The following LNX1 variants were observed in gnomAD, a reference collection of about 807,000 sequenced individuals.
The protein encoded by LNX1 is ligand of numb-protein X 1, also known as E3 ubiquitin-protein ligase LNX.
LNX1 carries 54 observed loss-of-function variants against 68.4 expected under a neutral mutation model. The ratio of observed to expected loss-of-function variants is 0.79; its 90% CI spans 0.63 to 0.99. The LOEUF is 0.99. Ranked by LOEUF, LNX1 falls within the 50% of genes least tolerant of loss-of-function variation. The pLI is 0.00. For synonymous variants in LNX1, 336 were observed against 350.0 expected (o/e 0.96, Z 0.45); for missense variants, 906 against 926.4 (o/e 0.98, Z 0.29).
intron 2 of LNX1, among the ~76,000 whole-genome samples, chr4:53,567,352 C>A (rs1242878969): frequency 1.4e-5 from 2 of 146,098 alleles, no homozygotes; most frequent in Non-Finnish European, 3.0e-5. Flanking sequence ...CACTCAAAAC[C>A]ACTCAACTAC....
intron 4 of LNX1, among the ~76,000 whole-genome samples, chr4:53,502,493 C>A (rs546650328): frequency 6.6e-6 from 1 of 152,334 alleles, no homozygotes; most frequent in East Asian, 1.9e-4. Flanking sequence ...TCATCTGAGG[C>A]TTCAGCTTGT....
chr4:53,472,350 TGG>T (rs1477347858), intron 9 of LNX1, among the ~76,000 whole-genome samples: 3 of 150,720 alleles, frequency 2.0e-5, no homozygotes, highest in African/African-American at 7.3e-5. Context: ...GGTTGGGGGA[TGG>T]GGGAGGGATA....
chr4:53,477,492 A>C (rs538211917), intron 8 of LNX1, among the ~76,000 whole-genome samples: 12 of 152,288 alleles, frequency 7.9e-5, no homozygotes, highest in Admixed American at 2.0e-4. Context: ...AAACATTTTC[A>C]TTGCTAAGGT....
intron 2 of LNX1, among the ~76,000 whole-genome samples, chr4:53,541,281 C>T (rs1442798953): frequency 6.6e-6 from 1 of 152,040 alleles, no homozygotes; most frequent in African/African-American, 2.4e-5. Context: ...TCAACTTCAG[C>T]AAATGGCTCT....
At chr4:53,540,278 G>T (rs1560653869) in intron 2 of LNX1, among the ~76,000 whole-genome samples, 1 of 152,098 alleles carries the variant, frequency 6.6e-6, no homozygotes, top group East Asian at 1.9e-4. Context: ...AGCCACTCGG[G>T]GGGCTTAGGA....
chr4:53,564,878 A>G (rs1414720830), intron 2 of LNX1, among the ~76,000 whole-genome samples: 3 of 152,190 alleles, frequency 2.0e-5, no homozygotes, highest in Non-Finnish European at 2.9e-5. Flanking sequence ...AATCAAAGAA[A>G]GGGGTGACAG....
chr4:53,611,276 C>A (rs2590795), intron 2 of LNX1, among the ~76,000 whole-genome samples: 111,873 of 151,890 alleles, frequency 0.74, 41,480 homozygotes, highest in East Asian at 0.91. Context: ...TTAGGATAAC[C>A]AAAAAAGAAA....
At chr4:53,634,039 T>A (rs1473339144) in intron 1 of LNX1, among the ~76,000 whole-genome samples, 1 of 152,150 alleles carries the variant, frequency 6.6e-6, no homozygotes, top group Non-Finnish European at 1.5e-5. Context: ...CTGAAACCAT[T>A]GCAAATCAGC....
intron 1 of LNX1, among the ~76,000 whole-genome samples, chr4:53,647,339 T>G (rs528615480): frequency 6.6e-6 from 1 of 152,344 alleles, no homozygotes; most frequent in South Asian, 2.1e-4. Context: ...TATTTCTGCA[T>G]AGTATAATAT....
rs368946180 is a variant in LNX1 at position 53,562,058 on chromosome 4, T to C, written c.380+11565A>G. 8.1e-4 allele frequency among the ~76,000 whole-genome samples: 123 copies of C among 152,378 alleles called. 1 individual carries two copies. The South Asian group carries it at 0.024, about 30-fold the overall frequency. On this transcript the variant is annotated intron_variant, in intron 2 of 10. Coordinates refer to ENST00000263925, the MANE Select transcript of LNX1 (RefSeq NM_001126328.3). ...CCTTAGAGGCAGAAATCACAACTTA[T>C]TTTTCTTTCATTCAGGGCCTGACCT...
At chr4:53,542,024 G>A (rs1728796961) in intron 2 of LNX1, among the ~76,000 whole-genome samples, 1 of 152,140 alleles carries the variant, frequency 6.6e-6, no homozygotes, top group South Asian at 2.1e-4. Context: ...CTGAACAATG[G>A]TGCAGTAAAA....
chr4:53,544,106 G>A (rs62323644), intron 2 of LNX1, among the ~76,000 whole-genome samples: 278 of 152,226 alleles, frequency 1.8e-3, no homozygotes, highest in Non-Finnish European at 3.3e-3. Flanking sequence ...GCTGTCATTG[G>A]GCTTTTAAAT....
chr4:53,469,457 A>C (rs1292429512), intron 9 of LNX1, among the ~76,000 whole-genome samples: 3 of 152,210 alleles, frequency 2.0e-5, no homozygotes, highest in East Asian at 1.9e-4. Context: ...AAACACATTC[A>C]AAAGCTAGCA....
intron 1 of LNX1, among the ~76,000 whole-genome samples, chr4:53,584,679 G>A (rs1486765846): frequency 6.6e-6 from 1 of 152,156 alleles, no homozygotes; most frequent in African/African-American, 2.4e-5. Context: ...TCTATGTGAG[G>A]TTTTAAAATG....
intron 2 of LNX1, among the ~76,000 whole-genome samples, chr4:53,513,153 C>T (rs1579444961): frequency 6.6e-6 from 1 of 152,162 alleles, no homozygotes; most frequent in Admixed American, 6.5e-5. Flanking sequence ...CCCATCGCTT[C>T]CAGGCCTTCC....
chr4:53,490,522 A>C (rs1018668088), intron 6 of LNX1, among the ~76,000 whole-genome samples: 1 of 118,754 alleles, frequency 8.4e-6, no homozygotes, highest in Non-Finnish European at 2.0e-5. Flanking sequence ...GCTGCTGCTG[A>C]GTAAGCTGAG....
chr4:53,508,159 T>C lies in LNX1; in HGVS notation c.449A>G (p.Asp150Gly), dbSNP rs776777536. 6.2e-7 allele frequency: 1 copy of C among 1,614,162 alleles called. No individual in the cohort carries two copies. Among genetic ancestry groups the C allele is most frequent in the South Asian group, 1.1e-5 (1 of 91,080 alleles). ...RKRRSQDGCPDGCASLTATAP... is the reference protein window; with the variant it reads ...RKRRSQDGCPGGCASLTATAP... Reference sequence around the variant, plus strand: ...CGTGGCTGTGAGGCTCGCACAGCCGTCTGGACAGCCATCTTGTGAGCGCCT... The same window carrying C: ...CGTGGCTGTGAGGCTCGCACAGCCGCCTGGACAGCCATCTTGTGAGCGCCT... The change falls in exon 3 of 11, where the codon GAC becomes GGC. Residue 150 changes from aspartate (D) to glycine (G), a missense_variant. Physicochemically the swap from Asp to Gly is moderately conservative, Grantham distance 94 (BLOSUM62 -1). Coordinates refer to ENST00000263925, the MANE Select transcript of LNX1 (RefSeq NM_001126328.3).
intron 2 of LNX1, among the ~76,000 whole-genome samples, chr4:53,551,578 C>A (rs747091004): frequency 6.6e-6 from 1 of 152,148 alleles, no homozygotes; most frequent in Non-Finnish European, 1.5e-5. Context: ...ACGCTCACCC[C>A]CCAAGTGCCT....
chr4:53,635,943 G>A (rs1734455451), intron 1 of LNX1, among the ~76,000 whole-genome samples: 1 of 152,186 alleles, frequency 6.6e-6, no homozygotes, highest in African/African-American at 2.4e-5. Context: ...AGTGTGGGCT[G>A]ATACGGCCAG....
Sources: allele counts gnomAD v4.1 joint callset (sites outside exome capture counted in the v4.1 genomes callset), GRCh38; gene constraint gnomAD v4.1.1; transcripts MANE v1.5; gene names NCBI Gene and HGNC (gene_info 2026-07-23, HGNC 2026-07-21).